Variants in EXT2 observed in about 807,000 individuals in gnomAD.
The protein encoded by EXT2 is exostosin-2.
Under a neutral mutation model 81.6 loss-of-function variants are expected in EXT2, and 53 were observed. The observed-to-expected ratio is 0.65, with a 90% CI of 0.52 to 0.82. EXT2 has a LOEUF of 0.82. Ranked by LOEUF, EXT2 falls within the 40% of genes least tolerant of loss-of-function variation. The probability of loss-of-function intolerance (pLI) is 0.00; values close to 1 mark genes in which losing one functional copy is unlikely to be tolerated. For synonymous variants in EXT2, 320 were observed against 340.0 expected, an observed-to-expected ratio of 0.94 and a Z score of 0.65; for missense variants, 774 against 910.2, an observed-to-expected ratio of 0.85 and a Z score of 1.93.
At chr11:44,131,480 G>A (rs1954492128) in intron 7 of EXT2, among the ~76,000 whole-genome samples, 1 of 152,160 alleles carries the variant, frequency 6.6e-6, no homozygotes, top group South Asian at 2.1e-4. Context: ...GACCTCATCT[G>A]TGCAATATTT....
In EXT2 at chr11:44,114,237, G is replaced by T. The variant is rs121918280; in HGVS notation, c.679G>T (p.Asp227Tyr). Residue 227 changes from aspartate to tyrosine, a missense_variant, in exon 4 of 14, where the codon GAT becomes TAT. Asp to Tyr is a radical substitution (Grantham distance 160). Coordinates refer to ENST00000533608, the MANE Select transcript of EXT2 (RefSeq NM_207122.2). ...FSTWTYRQGY[D>Y]VSIPVYSPLS... ...TACGTGGACTTACCGGCAAGGCTAC[G>T]ATGTCAGCATTCCTGTCTATAGTCC... The T allele has an allele frequency of 1.9e-6, 3 of 1,614,102 alleles. No homozygotes were observed. Among genetic ancestry groups the T allele is most frequent in the Non-Finnish European group, 2.5e-6 (3 of 1,179,982 alleles).
At chr11:44,231,892 G>T (rs1955903109) in intron 10 of EXT2, among the ~76,000 whole-genome samples, 1 of 152,156 alleles carries the variant, frequency 6.6e-6, no homozygotes, top group East Asian at 1.9e-4. Context: ...TCATAAGAAT[G>T]GTGTATGCTC....
chr11:44,183,693 C>T (rs1030371136), intron 8 of EXT2, among the ~76,000 whole-genome samples: 1 of 151,636 alleles, frequency 6.6e-6, no homozygotes, highest in East Asian at 1.9e-4. Flanking sequence ...ATCTATTTTC[C>T]TATTTTCTTC....
chr11:44,240,642 A>T (rs917695744), intron 13 of EXT2, among the ~76,000 whole-genome samples: 1 of 152,246 alleles, frequency 6.6e-6, no homozygotes, highest in African/African-American at 2.4e-5. Flanking sequence ...GTGAGGAAGT[A>T]GAGTTAGTGA....
intron 13 of EXT2, among the ~76,000 whole-genome samples, chr11:44,240,627 C>G (rs555917738): frequency 6.6e-6 from 1 of 151,774 alleles, no homozygotes; most frequent in African/African-American, 2.4e-5. Flanking sequence ...GAGTATGAGT[C>G]GACAGTGAGG....
chr11:44,109,054 AT>A, intron 2 of EXT2, 139 bp from the exon 3 acceptor site: 1 of 783,654 alleles, frequency 1.3e-6, no homozygotes, highest in Non-Finnish European at 2.2e-6. Flanking sequence ...TGCTGTTGGG[AT>A]TTCCAGGAGT....
chr11:44,108,028 G>C lies in EXT2; in HGVS notation c.316G>C (p.Val106Leu). 6.2e-7 allele frequency: 1 copy of C among 1,614,164 alleles called. No homozygotes were observed. Among genetic ancestry groups the C allele is most frequent in the Non-Finnish European group, 8.5e-7 (1 of 1,180,024 alleles). The change falls in exon 2 of 14, where the codon GTG (valine) becomes CTG (leucine). Residue 106 changes from valine to leucine, a missense_variant. This residue lies in a region of EXT2 where 626 missense variants were observed against 670.5 expected (regional missense o/e 0.93). Transcript: ENST00000533608. ...CTTCAACCCAAAGAACAAAATCAAG[G>C]TGTATATCTATGCTCTGAAAAAGTA... ...CGFNPKNKIK[V>L]YIYALKKYVD...
intron 10 of EXT2, among the ~76,000 whole-genome samples, chr11:44,223,212 T>G (rs1265764498): frequency 2.0e-5 from 3 of 152,182 alleles, no homozygotes; most frequent in Admixed American, 1.3e-4. Flanking sequence ...CTCTGAAAAA[T>G]AGTTTTGGTA....
chr11:44,132,785 C>A (rs913766922), intron 7 of EXT2, among the ~76,000 whole-genome samples: 8 of 152,088 alleles, frequency 5.3e-5, no homozygotes, highest in Non-Finnish European at 1.5e-5. Flanking sequence ...CGCTTTCTGA[C>A]GGCCTCTTTC....
chr11:44,188,295 G>A (rs1200419003), intron 8 of EXT2, among the ~76,000 whole-genome samples: 1 of 152,086 alleles, frequency 6.6e-6, no homozygotes, highest in African/African-American at 2.4e-5. Context: ...TAAGGGACAG[G>A]GATTAGGATT....
At chr11:44,147,686 G>A (rs921811719) in intron 7 of EXT2, among the ~76,000 whole-genome samples, 23 of 149,972 alleles carry the variant, frequency 1.5e-4, no homozygotes, top group African/African-American at 2.2e-4. Context: ...TCAGCCTCCC[G>A]TGTAGCTGGG....
rs1399587675 is a variant in EXT2, at chr11:44,126,884, A to G, written c.1008A>G (p.Gln336=). 51 of 1,614,090 alleles carry G rather than the reference A, an allele frequency of 3.2e-5. No individual in the cohort carries two copies. Among genetic ancestry groups the G allele is most frequent in the Non-Finnish European group, 4.3e-5 (51 of 1,180,056 alleles). ...AGGCAGTATTGAGCGATGTGTTACAAGCTGGCTGTGTCCCGGTTGTCATTG... is the reference window on the plus strand; with the variant it reads ...AGGCAGTATTGAGCGATGTGTTACAGGCTGGCTGTGTCCCGGTTGTCATTG... ...LGQAVLSDVL[Q]AGCVPVVIAD... is the part of the protein sequence containing the mutation. Residue 336 remains glutamine, a synonymous_variant, in exon 6 of 14, where the codon CAA becomes CAG. Coordinates refer to ENST00000533608, the MANE Select transcript of EXT2 (RefSeq NM_207122.2).
In EXT2 at chr11:44,206,862, G is replaced by A. The variant is rs1271452312; in HGVS notation, c.1565G>A (p.Arg522His). 47 of 1,614,062 alleles carry A rather than the reference G, an allele frequency of 2.9e-5. No individual in the cohort carries two copies. Among genetic ancestry groups the A allele is most frequent in the Non-Finnish European group, 3.9e-5 (46 of 1,179,986 alleles). ...VRTAENKLSN[R>H]FFPYDEIETE... ...ACTGCTGAAAACAAGTTAAGTAACC[G>A]TTTCTTCCCTTATGATGAAATCGAG... The change falls in exon 10 of 14, where the codon CGT (arginine) becomes CAT (histidine). Residue 522 changes from arginine to histidine, a missense_variant. By Grantham distance (29) the Arg-to-His change is conservative (BLOSUM62 0). Transcript: ENST00000533608.
At chr11:44,118,906 A>G (rs927537924) in intron 4 of EXT2, among the ~76,000 whole-genome samples, 1 of 151,806 alleles carries the variant, frequency 6.6e-6, no homozygotes, top group Non-Finnish European at 1.5e-5. Flanking sequence ...GCATTTACTT[A>G]AATCTGTTCT....
chr11:44,212,641 A>G (rs1339433925), intron 10 of EXT2, among the ~76,000 whole-genome samples: 1 of 152,210 alleles, frequency 6.6e-6, no homozygotes, highest in Admixed American at 6.5e-5. Flanking sequence ...ATGTGCAGAC[A>G]TATGTCTGCA....
chr11:44,186,766 T>C (rs1955316979), intron 8 of EXT2, among the ~76,000 whole-genome samples: 1 of 152,196 alleles, frequency 6.6e-6, no homozygotes, highest in African/African-American at 2.4e-5. Flanking sequence ...GACTTGAGGT[T>C]ACTTACCAAA....
intron 8 of EXT2, among the ~76,000 whole-genome samples, chr11:44,188,294 G>T (rs906369716): frequency 6.6e-6 from 1 of 152,174 alleles, no homozygotes; most frequent in African/African-American, 2.4e-5. Context: ...GTAAGGGACA[G>T]GGATTAGGAT....
At chr11:44,226,664 C>T (rs1955841331) in intron 10 of EXT2, among the ~76,000 whole-genome samples, 2 of 152,200 alleles carry the variant, frequency 1.3e-5, no homozygotes, top group Non-Finnish European at 2.9e-5. Flanking sequence ...GAAACCAGCT[C>T]GGAATTGGAA....
chr11:44,138,454 G>GC (rs1954601199), intron 7 of EXT2, among the ~76,000 whole-genome samples: 1 of 149,912 alleles, frequency 6.7e-6, no homozygotes, highest in East Asian at 2.0e-4. Context: ...CTGATGATTT[G>GC]TTTTTTTTTC....
Sources: allele counts gnomAD v4.1 joint callset (sites outside exome capture counted in the v4.1 genomes callset), GRCh38; gene constraint gnomAD v4.1.1; regional missense constraint gnomAD v4.1.1; transcripts MANE v1.5; gene names NCBI Gene and HGNC (gene_info 2026-07-23, HGNC 2026-07-21).